The following SLC25A53 variants were observed in gnomAD, a reference collection of about 807,000 sequenced individuals.
The protein encoded by SLC25A53 is mitochondrial carrier triple repeat protein 6.
A neutral mutation model predicts 15.0 loss-of-function variants in SLC25A53; 5 were observed. That is an observed-to-expected ratio of 0.33 (90% CI 0.17 to 0.70). SLC25A53 has a LOEUF of 0.70. Ranked by LOEUF, SLC25A53 falls within the 30% of genes least tolerant of loss-of-function variation. SLC25A53 has a pLI of 0.67. For synonymous variants in SLC25A53, 95 were observed against 100.0 expected (o/e 0.95, Z 0.30); for missense variants, 216 against 241.6 (o/e 0.89, Z 0.70).
intron 1 of SLC25A53, among the ~76,000 whole-genome samples, chrX:104,111,155 ATCTC>A (rs1232138333): frequency 1.8e-5 from 2 of 112,278 alleles, no homozygotes; most frequent in Non-Finnish European, 3.8e-5. Flanking sequence ...TGGTTCATGA[ATCTC>A]TCTACACCTC....
chrX:104,142,417 A>G (rs1394848484), intron 1 of SLC25A53, among the ~76,000 whole-genome samples: 1 of 112,257 alleles, frequency 8.9e-6, no homozygotes. Context: ...ACGTCTTCAC[A>G]GTTTCAACAC....
At chrX:104,117,756 C>A (rs2075382223) in intron 1 of SLC25A53, among the ~76,000 whole-genome samples, 1 of 111,709 alleles carries the variant, frequency 9.0e-6, no homozygotes, top group African/African-American at 3.3e-5. Flanking sequence ...AATATAGTTC[C>A]CCTTGCTGCT....
At chrX:104,123,541 G>A (rs964419411) in intron 1 of SLC25A53, among the ~76,000 whole-genome samples, 144 of 91,258 alleles carry the variant, frequency 1.6e-3, no homozygotes, top group Middle Eastern at 0.014. Context: ...TTGCTGATTT[G>A]TTTATTTTTT....
chrX:104,104,028 G>T lies in SLC25A53; in HGVS notation c.*306C>A, dbSNP rs2075293235. On this transcript the variant is annotated 3_prime_UTR_variant, in exon 2 of 2. Coordinates refer to ENST00000594199, the MANE Select transcript of SLC25A53 (RefSeq NM_001012755.5). ...AGTAAGGTCATCTTTTTAAGTTTCT[G>T]TTTATTGCCAAGGAATTCCTTAAAG... The T allele has an allele frequency of 1.6e-5, 4 of 245,736 alleles. No homozygotes were observed. Among genetic ancestry groups the T allele is most frequent in the Non-Finnish European group, 2.9e-5 (4 of 137,123 alleles). The allele number at this position is 245,736 out of a possible 1,213,427, so 20.3% of individuals were successfully genotyped here.
At chrX:104,114,160 C>T (rs1556360234) in intron 1 of SLC25A53, 6 of 1,209,970 alleles carry the variant, frequency 5.0e-6, no homozygotes, top group Non-Finnish European at 3.4e-6. Context: ...GCAGAATGCA[C>T]CTTTGCCGCC....
At chrX:104,147,381 T>C (rs782323218) in intron 1 of SLC25A53, among the ~76,000 whole-genome samples, 2 of 111,468 alleles carry the variant, frequency 1.8e-5, no homozygotes, top group African/African-American at 3.3e-5. Flanking sequence ...ATTCAGGACA[T>C]AGGCATGGGC....
chrX:104,120,139 G>A (rs2075389025), intron 1 of SLC25A53, among the ~76,000 whole-genome samples: 1 of 111,694 alleles, frequency 9.0e-6, no homozygotes, highest in Non-Finnish European at 1.9e-5. Flanking sequence ...CATTTGGACT[G>A]TTTCCAGTTG....
intron 1 of SLC25A53, among the ~76,000 whole-genome samples, chrX:104,145,262 A>G (rs1401942393): frequency 1.8e-5 from 2 of 112,384 alleles, no homozygotes; most frequent in African/African-American, 3.2e-5. Flanking sequence ...TTTGAAACCA[A>G]TGAGAACAAA....
intron 1 of SLC25A53, among the ~76,000 whole-genome samples, chrX:104,142,720 C>G (rs1324271989): frequency 9.3e-6 from 1 of 107,478 alleles, no homozygotes; most frequent in Non-Finnish European, 1.9e-5. Flanking sequence ...TGGAGACCAT[C>G]CTGGCTAACA....
chrX:104,117,705 A>G (rs782683100), intron 1 of SLC25A53, among the ~76,000 whole-genome samples: 3 of 110,911 alleles, frequency 2.7e-5, no homozygotes, highest in Non-Finnish European at 5.7e-5. Context: ...CCCAAAGTCT[A>G]TCCTTGGAGG....
intron 1 of SLC25A53, among the ~76,000 whole-genome samples, chrX:104,106,452 A>T (rs1485153493): frequency 9.0e-6 from 1 of 111,185 alleles, no homozygotes; most frequent in East Asian, 2.8e-4. Flanking sequence ...GCAGGAGGAC[A>T]GGGGAGAGGC....
chrX:104,150,662 A>G (rs1313350702), intron 1 of SLC25A53, among the ~76,000 whole-genome samples: 1 of 112,389 alleles, frequency 8.9e-6, no homozygotes, highest in East Asian at 2.8e-4. Flanking sequence ...CTCCTTCTGG[A>G]TAAGAGTCAT....
intron 1 of SLC25A53, among the ~76,000 whole-genome samples, chrX:104,124,839 C>CTTTTTTTTT (rs34662574): frequency 1.4e-4 from 9 of 62,278 alleles, no homozygotes; most frequent in Admixed American, 2.3e-4. Context: ...AACTTTTTTC[C>CTTTTTTTTT]TTTTTTTTTT....
intron 1 of SLC25A53, among the ~76,000 whole-genome samples, chrX:104,107,605 GGTGAAGTAAATATTTGTC>G (rs782817240): frequency 0.034 from 3,793 of 112,126 alleles, 82 homozygotes; most frequent in Middle Eastern, 0.11. Context: ...AAGGACAGGT[GGTGAAGTAAATATTTGTC>G]CTTTCTTCTA....
chrX:104,156,226 C>T (rs1259724854), intron 1 of SLC25A53, among the ~76,000 whole-genome samples: 1 of 111,143 alleles, frequency 9.0e-6, no homozygotes, highest in African/African-American at 3.3e-5. Context: ...TATGTTAAAT[C>T]ACCGCATCAA....
At chrX:104,126,127 C>A (rs782300703) in intron 1 of SLC25A53, among the ~76,000 whole-genome samples, 1 of 108,442 alleles carries the variant, frequency 9.2e-6, no homozygotes, top group African/African-American at 3.4e-5. Context: ...GGTAACATTA[C>A]AAGACCCAGT....
intron 1 of SLC25A53, chrX:104,115,184 CA>C: frequency 8.3e-7 from 1 of 1,209,581 alleles, no homozygotes; most frequent in Non-Finnish European, 1.1e-6. Flanking sequence ...GAGGGCCACT[CA>C]AAAGAAACCT....
At chrX:104,141,318 C>G (rs1343471883) in intron 1 of SLC25A53, among the ~76,000 whole-genome samples, 1 of 111,224 alleles carries the variant, frequency 9.0e-6, no homozygotes, top group African/African-American at 3.3e-5. Context: ...ACTGGATATG[C>G]GCCTGGAAAA....
At chrX:104,146,042 A>C (rs1412119715) in intron 1 of SLC25A53, among the ~76,000 whole-genome samples, 3 of 112,093 alleles carry the variant, frequency 2.7e-5, no homozygotes, top group Admixed American at 9.5e-5. Flanking sequence ...GATGAACATC[A>C]ATGTGAAAAT....
Sources: gnomAD v4.1 joint callset for allele counts (sites outside exome capture counted in the v4.1 genomes callset) on GRCh38, gnomAD v4.1.1 for gene constraint, MANE v1.5 for transcripts, NCBI Gene and HGNC (gene_info 2026-07-23, HGNC 2026-07-21) for gene names.